Variants in SCTR observed in about 807,000 individuals in gnomAD.
SCTR encodes the protein pancreatic secretin receptor.
Under a neutral mutation model 60.8 loss-of-function variants are expected in SCTR, and 56 were observed. The observed-to-expected ratio is 0.92, with a 90% confidence interval of 0.74 to 1.15. The LOEUF is 1.15. Ranked by LOEUF, SCTR falls within the 50% of genes most tolerant of loss-of-function variation. The pLI, the probability that SCTR is intolerant of heterozygous loss-of-function variation, is 0.00. For missense variants in SCTR, 562 were observed against 550.4 expected, an observed-to-expected ratio of 1.02 and a Z score of -0.21; for synonymous variants, 202 against 217.0, an observed-to-expected ratio of 0.93 and a Z score of 0.61.
intron 7 of SCTR, among the ~76,000 whole-genome samples, chr2:119,459,890 T>C (rs182252337): frequency 6.6e-6 from 1 of 152,244 alleles, no homozygotes; most frequent in East Asian, 1.9e-4. Context: ...TTGGCGTATC[T>C]GGGATTTAAA....
chr2:119,454,281 A>G (rs1683288159), intron 7 of SCTR, among the ~76,000 whole-genome samples: 1 of 152,132 alleles, frequency 6.6e-6, no homozygotes. Context: ...AAGTCTGGAT[A>G]AGAAACAGAT....
At chr2:119,498,366 T>C (rs530521369) in intron 1 of SCTR, among the ~76,000 whole-genome samples, 1 of 152,204 alleles carries the variant, frequency 6.6e-6, no homozygotes, top group South Asian at 2.1e-4. Context: ...AAAGAATGGC[T>C]AAAAGAACTT....
rs758379839 is a variant in SCTR at position 119,494,492 on chromosome 2, G to A, written c.129C>T (p.Asp43=). 7 of 1,613,926 alleles carry A rather than the reference G, an allele frequency of 4.3e-6. No individual in the cohort carries two copies. In the East Asian group the frequency reaches 8.9e-5, roughly 21 times the overall value. The change falls in exon 2 of 13, where the codon GAC becomes GAT. Residue 43 remains aspartate (D), a synonymous_variant. Transcript: ENST00000019103. ...CTCTGGAGAGTTCCTGCAGGCACTGGTCTTGCTCTTCCCACAGCACTTGTA... is the reference window on the plus strand; with the variant it reads ...CTCTGGAGAGTTCCTGCAGGCACTGATCTTGCTCTTCCCACAGCACTTGTA... ...DVLQVLWEEQ[D]QCLQELSREQ...
At chr2:119,458,613 A>G (rs1182174654) in intron 7 of SCTR, among the ~76,000 whole-genome samples, 1 of 152,170 alleles carries the variant, frequency 6.6e-6, no homozygotes, top group African/African-American at 2.4e-5. Flanking sequence ...AAAAAAAAAA[A>G]AAGTCTTGCC....
At chr2:119,514,219 C>T (rs1325857925) in intron 1 of SCTR, among the ~76,000 whole-genome samples, 1 of 152,204 alleles carries the variant, frequency 6.6e-6, no homozygotes, top group Admixed American at 6.5e-5. Flanking sequence ...CTGGGAAGAA[C>T]CCTTTCATGT....
Position 119,443,089 on chromosome 2 carries a change from G to A in SCTR, c.1141-1490C>T, listed in dbSNP as rs73948699. ...CACGAGCAGGCCAAGGATGCTGCCC[G>A]TTGCATGGGCTAGGGTTGCCTGGCC... is the stretch of plus-strand genomic sequence containing the variant. On this transcript the variant is annotated intron_variant, in intron 11 of 12. Coordinates refer to ENST00000019103, the MANE Select transcript of SCTR (RefSeq NM_002980.3). Among the ~76,000 whole-genome samples, 1,517 of 152,264 alleles carry A rather than the reference G, an allele frequency of 1.0e-2. 23 individuals carry two copies. Among genetic ancestry groups the A allele is most frequent in the African/African-American group, 0.034 (1,424 of 41,546 alleles).
In SCTR at chr2:119,494,507, C is replaced by G. The variant is rs369679863; in HGVS notation, c.114G>C (p.Leu38=). Residue 38 remains leucine (L), a synonymous_variant, in exon 2 of 13, where the codon CTG becomes CTC. Transcript: ENST00000019103. ...LPRLCDVLQV[L]WEEQDQCLQE... is the part of the protein sequence containing the mutation. ...GCAGGCACTGGTCTTGCTCTTCCCA[C>G]AGCACTTGTAGCACGTCACATAGTC... The G allele has an allele frequency of 1.2e-5, 19 of 1,613,996 alleles. No individual in the cohort carries two copies. The African/African-American group carries it at 2.0e-4, about 17-fold the overall frequency.
chr2:119,519,265 G>A (rs60090663), intron 1 of SCTR, among the ~76,000 whole-genome samples: 29,957 of 151,784 alleles, frequency 0.2, 3,672 homozygotes, highest in Middle Eastern at 0.28. Context: ...ATGGGCCACC[G>A]CGCTCCGCCT....
At chr2:119,519,442 G>A (rs1000484506) in intron 1 of SCTR, among the ~76,000 whole-genome samples, 3 of 152,138 alleles carry the variant, frequency 2.0e-5, no homozygotes, top group Admixed American at 6.5e-5. Context: ...TTTGAAGTTT[G>A]GGAGATAATT....
intron 3 of SCTR, 151 bp downstream of exon 3, chr2:119,478,660 A>T: frequency 1.5e-6 from 1 of 683,056 alleles, no homozygotes; most frequent in Non-Finnish European, 2.5e-6. Context: ...TTCCCAAGCA[A>T]GGCTTCTAAT....
At chr2:119,502,133 G>A (rs564879831) in intron 1 of SCTR, among the ~76,000 whole-genome samples, 17 of 152,210 alleles carry the variant, frequency 1.1e-4, no homozygotes, top group East Asian at 9.7e-4. Flanking sequence ...TCATGAGCCC[G>A]TAGTCCCAGA....
At position 119,456,590 on chromosome 2, in the gene SCTR, A is replaced by G. The variant is rs557164746; in HGVS notation, c.791-3243T>C. 9.2e-5 allele frequency among the ~76,000 whole-genome samples: 14 copies of G among 152,282 alleles called. No homozygotes were observed. The South Asian group carries it at 2.9e-3, about 32-fold the overall frequency. ...AGCTAAGGGAGCTGAGCAAATCTGG[A>G]GAACAGCCAGGCCAAGTCAAGCAAG... On this transcript the variant is annotated intron_variant, in intron 7 of 12. Coordinates refer to ENST00000019103, the MANE Select transcript of SCTR (RefSeq NM_002980.3).
intron 9 of SCTR, among the ~76,000 whole-genome samples, chr2:119,450,021 A>G (rs1185185612): frequency 3.4e-5 from 5 of 149,076 alleles, no homozygotes; most frequent in African/African-American, 1.2e-4. Flanking sequence ...GGAGGGAAGG[A>G]AGGCAGGAAG....
At chr2:119,466,768 C>T (rs1416150973) in intron 4 of SCTR, among the ~76,000 whole-genome samples, 2 of 95,818 alleles carry the variant, frequency 2.1e-5, no homozygotes, top group East Asian at 7.8e-4. Context: ...TAAATATATA[C>T]ATACATACAT....
At chr2:119,478,148 G>A (rs1482445318) in intron 3 of SCTR, among the ~76,000 whole-genome samples, 1 of 152,220 alleles carries the variant, frequency 6.6e-6, no homozygotes, top group East Asian at 1.9e-4. Flanking sequence ...AGGGGCAGCT[G>A]CACAGCTTTT....
intron 1 of SCTR, among the ~76,000 whole-genome samples, chr2:119,521,961 A>G (rs1415350281): frequency 6.6e-6 from 1 of 152,152 alleles, no homozygotes; most frequent in African/African-American, 2.4e-5. Flanking sequence ...TACACAGGAA[A>G]CCATCTTGTG....
At chr2:119,519,317 C>T (rs1679213071) in intron 1 of SCTR, among the ~76,000 whole-genome samples, 1 of 152,166 alleles carries the variant, frequency 6.6e-6, no homozygotes, top group South Asian at 2.1e-4. Context: ...GTATCTCCTC[C>T]TGTTGGATTT....
rs1288081331 is a variant in SCTR at position 119,480,545 on chromosome 2, T to C, written c.194-1627A>G. ...GGGGACATAGCCAAACCATATCAGT[T>C]ACTTTGAATGCTATGAACCAGTGAT... On this transcript the variant is annotated intron_variant, in intron 2 of 12. Transcript: ENST00000019103. 2.0e-5 allele frequency: 3 copies of C among 152,242 alleles called. No homozygotes were observed. In the East Asian group the frequency reaches 5.8e-4, roughly 29 times the overall value. 9.4% of individuals were successfully genotyped at this position (152,242 alleles called of 1,614,324 possible). A position where few individuals can be genotyped will look rare whatever the true frequency, so the allele number is the denominator to read the frequency against.
chr2:119,493,312 G>T (rs187926216), intron 2 of SCTR, among the ~76,000 whole-genome samples: 132 of 152,280 alleles, frequency 8.7e-4, no homozygotes, highest in African/African-American at 3.0e-3. Flanking sequence ...TTCGTCAGTT[G>T]ATGGGCATTA....
Sources: allele counts gnomAD v4.1 joint callset (sites outside exome capture counted in the v4.1 genomes callset), GRCh38; gene constraint gnomAD v4.1.1; transcripts MANE v1.5; gene names NCBI Gene and HGNC (gene_info 2026-07-23, HGNC 2026-07-21).